CBLB: variants seen among roughly 807,000 people sequenced by gnomAD.
CBLB encodes the protein E3 ubiquitin-protein ligase CBL-B.
CBLB carries 31 observed loss-of-function variants against 104.9 expected under a neutral mutation model. The observed-to-expected ratio is 0.30, with a 90% CI of 0.22 to 0.40. The LOEUF (loss-of-function observed/expected upper bound fraction) is 0.40, where lower values mean the gene tolerates loss of function less well. Among genes scored for constraint, CBLB ranks in the 10% least tolerant of loss-of-function variants. The probability of loss-of-function intolerance (pLI) is 1.00; values close to 1 mark genes in which losing one functional copy is unlikely to be tolerated. For missense variants in CBLB, 1,062 were observed against 1,214.6 expected, an observed-to-expected ratio of 0.87 and a Z score of 1.87; for synonymous variants, 440 against 422.6, an observed-to-expected ratio of 1.04 and a Z score of -0.51.
chr3:105,690,456 T>C (rs1376007485), intron 13 of CBLB, among the ~76,000 whole-genome samples: 1 of 152,062 alleles, frequency 6.6e-6, no homozygotes, highest in Non-Finnish European at 1.5e-5. Flanking sequence ...CAAAAGGATT[T>C]TGGAGATAAT....
chr3:105,685,579 A>C (rs758357171), intron 13 of CBLB, 113 bp from the exon 14 acceptor site: 422 of 824,830 alleles, frequency 5.1e-4, no homozygotes, highest in Non-Finnish European at 7.3e-4. Flanking sequence ...TTCATTTTTC[A>C]ATTACAGGGT....
intron 4 of CBLB, among the ~76,000 whole-genome samples, chr3:105,772,583 C>G (rs1560173676): frequency 6.6e-6 from 1 of 152,138 alleles, no homozygotes; most frequent in Non-Finnish European, 1.5e-5. Context: ...ACAGACAACT[C>G]ACACAGTGGG....
At chr3:105,819,257 G>T (rs957421367) in intron 3 of CBLB, among the ~76,000 whole-genome samples, 2 of 152,124 alleles carry the variant, frequency 1.3e-5, no homozygotes, top group African/African-American at 4.8e-5. Context: ...GAGGCCAAGG[G>T]GGGTGGATCC....
intron 3 of CBLB, among the ~76,000 whole-genome samples, chr3:105,851,064 T>C (rs1421684502): frequency 1.3e-5 from 2 of 152,136 alleles, no homozygotes; most frequent in Non-Finnish European, 2.9e-5. Flanking sequence ...TAAATCCACA[T>C]GAATACCTAC....
At position 105,656,526 on chromosome 3, in the gene CBLB, A is replaced by G. The variant is rs1171293889; in HGVS notation, c.*2444T>C. ...TATGAATTTTTGATTCATTCTTTTT[A>G]AATGACAATACTAATGGTTGCTATT... On this transcript the variant is annotated 3_prime_UTR_variant, in exon 19 of 19. Transcript: ENST00000394030. The G allele has an allele frequency of 5.2e-6, 1 of 192,350 alleles. No homozygotes were observed. Among genetic ancestry groups the G allele is most frequent in the Non-Finnish European group, 1.1e-5 (1 of 92,122 alleles). 11.9% of individuals were successfully genotyped at this position (192,350 alleles called of 1,614,324 possible). A position where few individuals can be genotyped will look rare whatever the true frequency, so the allele number is the denominator to read the frequency against.
chr3:105,819,564 C>T (rs1223383010), intron 3 of CBLB, among the ~76,000 whole-genome samples: 1 of 151,342 alleles, frequency 6.6e-6, no homozygotes, highest in African/African-American at 2.4e-5. Flanking sequence ...AATTTCTCCT[C>T]AAAAGTGACA....
chr3:105,821,267 T>TCTAA (rs2085819980), intron 3 of CBLB, among the ~76,000 whole-genome samples: 1 of 147,402 alleles, frequency 6.8e-6, no homozygotes, highest in Non-Finnish European at 1.5e-5. Context: ...TCTATATCTA[T>TCTAA]CTATCTATCT....
chr3:105,740,178 T>G (rs973906111), intron 7 of CBLB, among the ~76,000 whole-genome samples: 1 of 152,230 alleles, frequency 6.6e-6, no homozygotes, highest in African/African-American at 2.4e-5. Context: ...TTATTCTAAA[T>G]AATTTTCTCT....
At chr3:105,799,128 A>G (rs1357755023) in intron 3 of CBLB, among the ~76,000 whole-genome samples, 2 of 151,928 alleles carry the variant, frequency 1.3e-5, no homozygotes, top group Non-Finnish European at 2.9e-5. Context: ...ATGGGAAAAT[A>G]ATGAATAGCA....
intron 8 of CBLB, among the ~76,000 whole-genome samples, chr3:105,735,766 A>G (rs2074858341): frequency 6.6e-6 from 1 of 152,104 alleles, no homozygotes; most frequent in African/African-American, 2.4e-5. Context: ...ACCAACATGG[A>G]GAAACCCCAT....
chr3:105,706,077 C>T (rs1006274510), intron 10 of CBLB, among the ~76,000 whole-genome samples: 3 of 151,972 alleles, frequency 2.0e-5, no homozygotes, highest in Non-Finnish European at 2.9e-5. Flanking sequence ...AGGAGTTTGA[C>T]TCTACAGTAA....
intron 3 of CBLB, among the ~76,000 whole-genome samples, chr3:105,778,114 AGT>A (rs371751540): frequency 7.3e-5 from 11 of 150,694 alleles, no homozygotes; most frequent in Admixed American, 2.6e-4. Context: ...AGAGAGAGAG[AGT>A]GTGTGTGTGT....
chr3:105,704,419 G>A (rs1421551415), intron 10 of CBLB, among the ~76,000 whole-genome samples: 3 of 152,144 alleles, frequency 2.0e-5, no homozygotes, highest in Non-Finnish European at 4.4e-5. Context: ...AAAAAGAACA[G>A]CAAAAGTATA....
At chr3:105,688,420 C>G (rs2067268039) in intron 13 of CBLB, among the ~76,000 whole-genome samples, 1 of 152,018 alleles carries the variant, frequency 6.6e-6, no homozygotes, top group East Asian at 1.9e-4. Context: ...CATTCATCTT[C>G]TACATATGCA....
intron 2 of CBLB, among the ~76,000 whole-genome samples, chr3:105,856,111 G>T (rs2091565253): frequency 6.6e-6 from 1 of 152,068 alleles, no homozygotes; most frequent in Non-Finnish European, 1.5e-5. Context: ...CAGCACTTTG[G>T]GAGGCCGAGA....
intron 5 of CBLB, 66 bp downstream of exon 5, chr3:105,751,396 G>C: frequency 8.9e-7 from 1 of 1,122,390 alleles, no homozygotes; most frequent in East Asian, 2.5e-5. Flanking sequence ...GAGAGAGAGA[G>C]AAACAGAGAG....
At chr3:105,755,265 G>A (rs997936552) in intron 4 of CBLB, among the ~76,000 whole-genome samples, 4 of 151,896 alleles carry the variant, frequency 2.6e-5, no homozygotes, top group African/African-American at 9.7e-5. Context: ...ACCTATGAGT[G>A]AGAATATGCG....
intron 3 of CBLB, among the ~76,000 whole-genome samples, chr3:105,844,239 C>A (rs2089956567): frequency 6.6e-6 from 1 of 152,160 alleles, no homozygotes. Context: ...CTGGCTGACA[C>A]CCTGATTTCA....
chr3:105,792,296 A>G (rs1181219430), intron 3 of CBLB, among the ~76,000 whole-genome samples: 1 of 152,176 alleles, frequency 6.6e-6, no homozygotes, highest in Non-Finnish European at 1.5e-5. Context: ...AGATTTGTGA[A>G]AGCAATTCCT....
Sources: gnomAD v4.1 joint callset for allele counts (sites outside exome capture counted in the v4.1 genomes callset) on GRCh38, gnomAD v4.1.1 for gene constraint, MANE v1.5 for transcripts, NCBI Gene and HGNC (gene_info 2026-07-23, HGNC 2026-07-21) for gene names.